TMEM63C: variants seen among roughly 807,000 people sequenced by gnomAD.
TMEM63C encodes the protein transmembrane protein 63C.
In TMEM63C, 32 loss-of-function variants were observed where a neutral mutation model predicts 99.2. The ratio of observed to expected loss-of-function variants is 0.32; its 90% confidence interval spans 0.24 to 0.43. The LOEUF is 0.43. Among genes scored for constraint, TMEM63C ranks in the 20% least tolerant of loss-of-function variants. TMEM63C has a pLI of 1.00. For synonymous variants in TMEM63C, 376 were observed against 397.9 expected (o/e 0.94, Z 0.66); for missense variants, 826 against 1,053.0 (o/e 0.78, Z 2.98).
intron 2 of TMEM63C, among the ~76,000 whole-genome samples, chr14:77,215,600 C>CAAAA (rs796730995): frequency 7.3e-5 from 6 of 82,412 alleles, no homozygotes; most frequent in African/African-American, 3.0e-4. Flanking sequence ...GACTCTGTCT[C>CAAAA]AAAAAAAAAA....
chr14:77,231,495 G>A lies in TMEM63C; in HGVS notation c.351-93G>A, dbSNP rs1434087058. 84 of 1,403,738 alleles carry A rather than the reference G, an allele frequency of 6.0e-5. 1 individual carries two copies. The highest frequency in any genetic ancestry group is 8.7e-5 in the Admixed American group (4 of 46,098). The allele number at this position is 1,403,738 out of a possible 1,614,324, so 87.0% of individuals were successfully genotyped here. The stretch of plus-strand genomic sequence containing the variant: ...AAAAAAAAAAAAACTTGGGGAGGGG[G>A]TGATCATTTTCTGCCCTTCCCTCTA... On this transcript the variant is annotated intron_variant, in intron 6 of 23. Coordinates refer to ENST00000298351, the MANE Select transcript of TMEM63C (RefSeq NM_020431.4).
intron 2 of TMEM63C, 61 bp from the exon 3 acceptor site, chr14:77,218,740 C>T: frequency 6.4e-7 from 1 of 1,567,778 alleles, no homozygotes; most frequent in Non-Finnish European, 8.7e-7. Flanking sequence ...CATCGGGCTT[C>T]TGTGTTTTGC....
At chr14:77,205,688 C>T (rs775085979) in intron 1 of TMEM63C, among the ~76,000 whole-genome samples, 5 of 152,264 alleles carry the variant, frequency 3.3e-5, no homozygotes, top group Non-Finnish European at 2.9e-5. Flanking sequence ...GGCCTTCCAT[C>T]GGCTGGAGCT....
intron 5 of TMEM63C, 54 bp downstream of exon 5, chr14:77,220,141 C>A: frequency 1.3e-6 from 2 of 1,493,928 alleles, no homozygotes; most frequent in South Asian, 2.4e-5. Context: ...GGCAGGCAGG[C>A]GTGGTGTGCA....
chr14:77,224,200 C>A (rs937738635), intron 5 of TMEM63C, among the ~76,000 whole-genome samples: 2 of 151,982 alleles, frequency 1.3e-5, no homozygotes, highest in African/African-American at 4.8e-5. Context: ...CCGAGGGGAG[C>A]AAGGGACTTC....
Position 77,256,650 on chromosome 14 carries a change from G to A in TMEM63C, c.2345G>A (p.Arg782Lys). 3 of 1,614,048 alleles carry A rather than the reference G, an allele frequency of 1.9e-6. No homozygotes were observed. The highest frequency in any genetic ancestry group is 2.5e-6 in the Non-Finnish European group (3 of 1,179,902). ...GAGGGAGAAGAAGAGAGTGGTCTGA[G>A]GGGCTTTGCGAGGGAGCTAGACTCG... ...PEEGEEESGLRGFARELDSAQ... is the reference protein window; with the variant it reads ...PEEGEEESGLKGFARELDSAQ... Residue 782 changes from arginine to lysine, a missense_variant, in exon 24 of 24, where the codon AGG becomes AAG. Arg to Lys is a conservative substitution (Grantham distance 26, BLOSUM62 2). Transcript: ENST00000298351.
intron 9 of TMEM63C, among the ~76,000 whole-genome samples, chr14:77,237,233 T>A (rs1889078549): frequency 6.6e-6 from 1 of 151,992 alleles, no homozygotes; most frequent in Non-Finnish European, 1.5e-5. Flanking sequence ...TGCTAAGTGG[T>A]CTGGGCCCTG....
chr14:77,208,514 C>T (rs1021892520), intron 1 of TMEM63C, among the ~76,000 whole-genome samples: 2 of 152,216 alleles, frequency 1.3e-5, no homozygotes, highest in Non-Finnish European at 2.9e-5. Context: ...CCCTCTCCTC[C>T]CTTCAGCCTT....
chr14:77,228,955 A>G (rs1046082215), intron 6 of TMEM63C, among the ~76,000 whole-genome samples: 2 of 152,232 alleles, frequency 1.3e-5, no homozygotes, highest in Admixed American at 6.5e-5. Context: ...GGAGGCCTGC[A>G]TGGTGCTGAG....
At chr14:77,234,396 G>T (rs1858346239) in intron 8 of TMEM63C, among the ~76,000 whole-genome samples, 1 of 152,242 alleles carries the variant, frequency 6.6e-6, no homozygotes, top group South Asian at 2.1e-4. Flanking sequence ...ATGCCAACCA[G>T]AGCAGGGATA....
At chr14:77,220,151 A>G (rs1047557156) in intron 5 of TMEM63C, 64 bp downstream of exon 5, 3 of 1,439,274 alleles carry the variant, frequency 2.1e-6, no homozygotes, top group Non-Finnish European at 1.9e-6. Flanking sequence ...CGTGGTGTGC[A>G]CAGGAAGAAA....
At chr14:77,245,415 G>A (rs1229983757) in intron 16 of TMEM63C, among the ~76,000 whole-genome samples, 2 of 152,200 alleles carry the variant, frequency 1.3e-5, no homozygotes, top group East Asian at 1.9e-4. Context: ...GTATTAGCCA[G>A]TTTTCACACT....
intron 23 of TMEM63C, among the ~76,000 whole-genome samples, chr14:77,253,891 CA>C (rs1889417600): frequency 6.6e-6 from 1 of 152,184 alleles, no homozygotes; most frequent in Non-Finnish European, 1.5e-5. Flanking sequence ...TGCTGTCTCT[CA>C]CACAGTGGCT....
chr14:77,229,206 C>A (rs1888890544), intron 6 of TMEM63C, among the ~76,000 whole-genome samples: 2 of 151,910 alleles, frequency 1.3e-5, no homozygotes, highest in South Asian at 4.2e-4. Context: ...GAGTTTGAGA[C>A]CAACCTGGCC....
intron 1 of TMEM63C, among the ~76,000 whole-genome samples, chr14:77,185,089 T>C (rs1486668014): frequency 6.6e-6 from 1 of 152,222 alleles, no homozygotes; most frequent in East Asian, 1.9e-4. Flanking sequence ...TCATTAGTAA[T>C]GCTCCCCAAA....
chr14:77,184,416 C>T (rs1485884503), intron 1 of TMEM63C, among the ~76,000 whole-genome samples: 1 of 152,194 alleles, frequency 6.6e-6, no homozygotes, highest in African/African-American at 2.4e-5. Flanking sequence ...CCTGTACCCT[C>T]CCCACTGCCT....
At chr14:77,238,276 A>G (rs1447502859) in intron 9 of TMEM63C, among the ~76,000 whole-genome samples, 1 of 152,232 alleles carries the variant, frequency 6.6e-6, no homozygotes, top group Non-Finnish European at 1.5e-5. Flanking sequence ...ACGCTGGAAC[A>G]GTGGAAGCTA....
At chr14:77,246,075 G>A (rs774025739) in intron 17 of TMEM63C, 49 bp downstream of exon 17, 1 of 1,415,162 alleles carries the variant, frequency 7.1e-7, no homozygotes, top group Non-Finnish European at 1.0e-6. Context: ...CTCTCTTAGA[G>A]TTAAGACCTC....
At chr14:77,203,897 C>G (rs1479589395) in intron 1 of TMEM63C, among the ~76,000 whole-genome samples, 1 of 152,262 alleles carries the variant, frequency 6.6e-6, no homozygotes, top group East Asian at 1.9e-4. Flanking sequence ...CAACCCGGCT[C>G]TAGCTGGAGC....
Sources: allele counts gnomAD v4.1 joint callset (sites outside exome capture counted in the v4.1 genomes callset), GRCh38; gene constraint gnomAD v4.1.1; transcripts MANE v1.5; gene names NCBI Gene and HGNC (gene_info 2026-07-23, HGNC 2026-07-21).